The following SEC62 variants were observed in gnomAD, a reference collection of about 807,000 sequenced individuals.
The protein encoded by SEC62 is translocation protein SEC62.
Under a neutral mutation model 47.5 loss-of-function variants are expected in SEC62, and 10 were observed. That is an observed-to-expected ratio of 0.21 (90% CI 0.13 to 0.36). SEC62 has a LOEUF of 0.36. Ranked by LOEUF, SEC62 falls within the 10% of genes least tolerant of loss-of-function variation. The probability of loss-of-function intolerance (pLI) is 1.00; values close to 1 mark genes in which losing one functional copy is unlikely to be tolerated. For missense variants in SEC62, 327 were observed against 464.1 expected, an observed-to-expected ratio of 0.70 and a Z score of 2.71; for synonymous variants, 136 against 150.5, an observed-to-expected ratio of 0.90 and a Z score of 0.71.
At chr3:169,990,520 C>A (rs1363463265) in intron 7 of SEC62, among the ~76,000 whole-genome samples, 1 of 151,728 alleles carries the variant, frequency 6.6e-6, no homozygotes, top group African/African-American at 2.4e-5. Context: ...TTTTGCCATA[C>A]CATTTGTATG....
At position 169,996,860 on chromosome 3, in the gene SEC62, T is replaced by C. The variant is rs1195520461; in HGVS notation, c.*3797T>C. ...TTTGGGTAGCCTATACCTATACTTA[T>C]CTCCTCATAATATCTTCATGTAAAG... On this transcript the variant is annotated 3_prime_UTR_variant, in exon 8 of 8. Transcript: ENST00000337002. 1 of 152,276 alleles carries C rather than the reference T, an allele frequency of 6.6e-6. No homozygotes were observed. The highest frequency in any genetic ancestry group is 1.5e-5 in the Non-Finnish European group (1 of 68,028). The allele number at this position is 152,276 out of a possible 1,614,324, so 9.4% of individuals were successfully genotyped here. A position where few individuals can be genotyped will look rare whatever the true frequency, so the allele number is the denominator to read the frequency against.
At position 169,998,121 on chromosome 3, in the gene SEC62, C is replaced by T. The variant is rs1265185154; in HGVS notation, c.*5058C>T. The T allele has an allele frequency of 6.6e-6, 1 of 152,178 alleles. No individual in the cohort carries two copies. The highest frequency in any genetic ancestry group is 1.9e-4 in the East Asian group (1 of 5,194). The allele number at this position is 152,178 out of a possible 1,614,324, so 9.4% of individuals were successfully genotyped here. A position where few individuals can be genotyped will look rare whatever the true frequency, so the allele number is the denominator to read the frequency against. On this transcript the variant is annotated 3_prime_UTR_variant, in exon 8 of 8. Coordinates refer to ENST00000337002, the MANE Select transcript of SEC62 (RefSeq NM_003262.4). ...TTTCCCATCCAAGTTCATGTATCTT[C>T]TGAATTCTATCCGTGAATCCCTTAG...
At chr3:169,971,639 T>C (rs1461396297) in intron 1 of SEC62, among the ~76,000 whole-genome samples, 1 of 152,206 alleles carries the variant, frequency 6.6e-6, no homozygotes, top group Non-Finnish European at 1.5e-5. Context: ...TTAGAAGAGT[T>C]TGGTGAACTT....
chr3:169,974,873 C>A (rs1031274943), intron 1 of SEC62, among the ~76,000 whole-genome samples: 2 of 152,178 alleles, frequency 1.3e-5, no homozygotes, highest in Non-Finnish European at 1.5e-5. Context: ...GGATACATAT[C>A]TTTGGCTGTT....
chr3:169,972,641 C>T (rs1714726618), intron 1 of SEC62, among the ~76,000 whole-genome samples: 1 of 145,124 alleles, frequency 6.9e-6, no homozygotes, highest in African/African-American at 2.6e-5. Context: ...AGGCTGGTCT[C>T]AAGCCTGGTT....
intron 1 of SEC62, among the ~76,000 whole-genome samples, chr3:169,969,083 G>A (rs1688004725): frequency 6.6e-6 from 1 of 152,156 alleles, no homozygotes; most frequent in Non-Finnish European, 1.5e-5. Context: ...AAAAGATCCT[G>A]TTGTAGAATT....
chr3:169,985,987 TTAAA>T (rs1394516977), intron 6 of SEC62, 122 bp downstream of exon 6: 18 of 593,726 alleles, frequency 3.0e-5, no homozygotes, highest in Non-Finnish European at 4.5e-5. Context: ...TAAAAATACT[TTAAA>T]TAAAGTCAGA....
chr3:169,978,817 G>C (rs1370238644), intron 3 of SEC62, among the ~76,000 whole-genome samples: 2 of 152,138 alleles, frequency 1.3e-5, no homozygotes, highest in African/African-American at 4.8e-5. Flanking sequence ...TGCTACAAAT[G>C]CAGAAACTGG....
intron 7 of SEC62, among the ~76,000 whole-genome samples, chr3:169,989,496 G>A (rs965091212): frequency 6.6e-6 from 1 of 151,114 alleles, no homozygotes; most frequent in Admixed American, 6.6e-5. Flanking sequence ...TGAATTTAGT[G>A]TCAGTGTAAT....
chr3:169,978,899 A>G (rs532692297), intron 3 of SEC62, among the ~76,000 whole-genome samples: 2 of 152,322 alleles, frequency 1.3e-5, no homozygotes, highest in South Asian at 2.1e-4. Context: ...TTCTACATCT[A>G]GCAGCCTGTC....
chr3:169,970,928 A>C (rs916403741), intron 1 of SEC62, among the ~76,000 whole-genome samples: 1 of 152,230 alleles, frequency 6.6e-6, no homozygotes, highest in African/African-American at 2.4e-5. Flanking sequence ...ACTGTAGTCC[A>C]ATGTATAAAC....
At chr3:169,974,091 G>A (rs188810638) in intron 1 of SEC62, among the ~76,000 whole-genome samples, 11 of 152,280 alleles carry the variant, frequency 7.2e-5, no homozygotes, top group East Asian at 1.9e-4. Context: ...TAGATAAGTT[G>A]GATAGATTCT....
In SEC62 at chr3:169,994,945, AT is replaced by A. The variant is rs1487150818; in HGVS notation, c.*1887del. ...GGATTCTTACAGAATGTTAGTACAA[AT>A]TTTTATAAATATTTGGTGATCCCTG... On this transcript the variant is annotated 3_prime_UTR_variant, in exon 8 of 8. Transcript: ENST00000337002. 6.6e-6 allele frequency: 1 copy of A among 152,188 alleles called. No individual in the cohort carries two copies. Among genetic ancestry groups the A allele is most frequent in the Non-Finnish European group, 1.5e-5 (1 of 68,020 alleles). 9.4% of individuals were successfully genotyped at this position (152,188 alleles called of 1,614,324 possible). A position where few individuals can be genotyped will look rare whatever the true frequency, so the allele number is the denominator to read the frequency against.
intron 1 of SEC62, 94 bp downstream of exon 1, chr3:169,966,952 CGAGGT>C (rs1229750203): frequency 2.0e-5 from 3 of 148,978 alleles, no homozygotes; most frequent in Non-Finnish European, 4.5e-5. Context: ...AAAGCAAGGG[CGAGGT>C]GGGGTGGGGT....
At chr3:169,976,421 CTCTT>C (rs1205853791) in intron 2 of SEC62, among the ~76,000 whole-genome samples, 1 of 151,916 alleles carries the variant, frequency 6.6e-6, no homozygotes, top group Non-Finnish European at 1.5e-5. Flanking sequence ...CCTTTATCGT[CTCTT>C]TCTTTACTGT....
rs900416670 is a variant in SEC62, at chr3:169,992,131, A to G, written c.731-463A>G. The stretch of plus-strand genomic sequence containing the variant: ...CTTTTCCTACACCATGATCTTATGA[A>G]TACTTAAATTCCCAACTGATTGCTA... On this transcript the variant is annotated intron_variant, in intron 7 of 7. Coordinates refer to ENST00000337002, the MANE Select transcript of SEC62 (RefSeq NM_003262.4). The surrounding 1 kb of genome is among the most constrained non-coding windows in gnomAD (Gnocchi z 4.0). Among the ~76,000 whole-genome samples the G allele has an allele frequency of 6.6e-6, 1 of 152,324 alleles. No homozygotes were observed. The highest frequency in any genetic ancestry group is 2.4e-5 in the African/African-American group (1 of 41,582).
Position 169,995,974 on chromosome 3 carries a change from C to T in SEC62, c.*2911C>T, listed in dbSNP as rs1715365197. 1 of 152,046 alleles carries T rather than the reference C, an allele frequency of 6.6e-6. No homozygotes were observed. Among genetic ancestry groups the T allele is most frequent in the African/African-American group, 2.4e-5 (1 of 41,330 alleles). 9.4% of individuals were successfully genotyped at this position (152,046 alleles called of 1,614,324 possible). ...TAGGAACAGCTTTTTGCCCTTAGCA[C>T]TATGCTTGGGGGCCATTTTAAACAG... On this transcript the variant is annotated 3_prime_UTR_variant, in exon 8 of 8. Transcript: ENST00000337002.
intron 5 of SEC62, chr3:169,984,005 C>T (rs1715040245): frequency 6.6e-6 from 1 of 152,142 alleles, no homozygotes; most frequent in Non-Finnish European, 1.5e-5. Flanking sequence ...TGGTGGTAGC[C>T]TTCCATAAAG....
chr3:169,991,088 T>C (rs903279836), intron 7 of SEC62, among the ~76,000 whole-genome samples: 2 of 152,240 alleles, frequency 1.3e-5, no homozygotes, highest in African/African-American at 4.8e-5. Context: ...TTGTGATAAC[T>C]CATTACTACA....
Sources: gnomAD v4.1 joint callset for allele counts (sites outside exome capture counted in the v4.1 genomes callset) on GRCh38, gnomAD v4.1.1 for gene constraint, Gnocchi (gnomAD v3.1) non-coding constraint, MANE v1.5 for transcripts, NCBI Gene and HGNC (gene_info 2026-07-23, HGNC 2026-07-21) for gene names.